Variants in NPAS3 observed in about 807,000 individuals in gnomAD.
The protein encoded by NPAS3 is neuronal PAS domain protein 3.
Under a neutral mutation model 73.1 loss-of-function variants are expected in NPAS3, and 14 were observed. The ratio of observed to expected loss-of-function variants is 0.19; its 90% CI spans 0.13 to 0.30. The LOEUF is 0.30. Ranked by LOEUF, NPAS3 falls within the 10% of genes least tolerant of loss-of-function variation. The pLI is 1.00. For missense variants in NPAS3, 1,096 were observed against 1,250.0 expected (o/e 0.88, Z 1.86); for synonymous variants, 620 against 541.5 (o/e 1.14, Z -2.01).
chr14:33,238,671 T>C (rs2048119396), intron 3 of NPAS3, among the ~76,000 whole-genome samples: 1 of 152,160 alleles, frequency 6.6e-6, no homozygotes, highest in Non-Finnish European at 1.5e-5. Context: ...CCAAGTTTAA[T>C]TGAATCAAGG....
intron 5 of NPAS3, among the ~76,000 whole-genome samples, chr14:33,668,104 C>T (rs899074438): frequency 5.3e-5 from 8 of 152,152 alleles, no homozygotes; most frequent in African/African-American, 1.4e-4. Context: ...TGCTCCAATC[C>T]GAACAAGATC....
intron 5 of NPAS3, among the ~76,000 whole-genome samples, chr14:33,590,675 A>G (rs1219687189): frequency 1.3e-5 from 2 of 152,178 alleles, no homozygotes; most frequent in African/African-American, 4.8e-5. Context: ...CAAAACCCCC[A>G]ATCCACATCA....
chr14:33,094,654 T>C (rs957011180), intron 2 of NPAS3, among the ~76,000 whole-genome samples: 1 of 152,090 alleles, frequency 6.6e-6, no homozygotes, highest in Admixed American at 6.6e-5. Context: ...TTCGTAGAGA[T>C]GAGGCTTCAC....
chr14:33,011,551 G>GA, intron 1 of NPAS3, among the ~76,000 whole-genome samples: 1 of 149,984 alleles, frequency 6.7e-6, no homozygotes, highest in East Asian at 2.0e-4. Flanking sequence ...CTAGAAATCA[G>GA]TTTTTTTTTT....
chr14:33,632,921 C>A (rs2058421064), intron 5 of NPAS3, among the ~76,000 whole-genome samples: 1 of 152,104 alleles, frequency 6.6e-6, no homozygotes, highest in African/African-American at 2.4e-5. Flanking sequence ...ATCATTCCAT[C>A]CCTATAGGAC....
At chr14:33,121,090 C>G (rs1481932143) in intron 2 of NPAS3, among the ~76,000 whole-genome samples, 1 of 152,048 alleles carries the variant, frequency 6.6e-6, no homozygotes. Context: ...TTTTTGACCT[C>G]TTAACAGTCA....
At chr14:33,610,370 A>C (rs2057711716) in intron 5 of NPAS3, among the ~76,000 whole-genome samples, 1 of 152,090 alleles carries the variant, frequency 6.6e-6, no homozygotes, top group South Asian at 2.1e-4. Flanking sequence ...TCATCTCCTC[A>C]TTGTGCAAAG....
rs886731139 is a variant in NPAS3, at chr14:33,379,030, C to T, written c.468+11762C>T. On this transcript the variant is annotated intron_variant, in intron 4 of 11. Coordinates refer to ENST00000356141, the Ensembl canonical transcript of NPAS3. Reference sequence around the variant, plus strand: ...CCACACGTGACCTCATGTAATGGGACACAGTCAAAATAAAGTCAAAACTTT... The same window carrying T: ...CCACACGTGACCTCATGTAATGGGATACAGTCAAAATAAAGTCAAAACTTT... 3.9e-5 allele frequency among the ~76,000 whole-genome samples: 6 copies of T among 152,106 alleles called. No individual in the cohort carries two copies. In the East Asian group the frequency reaches 1.2e-3, roughly 29 times the overall value.
chr14:33,246,176 T>C (rs1401721879), intron 3 of NPAS3, among the ~76,000 whole-genome samples: 1 of 152,042 alleles, frequency 6.6e-6, no homozygotes, highest in Non-Finnish European at 1.5e-5. Flanking sequence ...GCCCACCTCA[T>C]AAGGTCATGG....
At chr14:33,162,293 C>A (rs565286343) in intron 2 of NPAS3, among the ~76,000 whole-genome samples, 1 of 152,216 alleles carries the variant, frequency 6.6e-6, no homozygotes, top group Admixed American at 6.5e-5. Flanking sequence ...TTTTTTCAAT[C>A]TTATTTTATC....
chr14:33,156,615 A>T (rs753119180), intron 2 of NPAS3, among the ~76,000 whole-genome samples: 30 of 152,122 alleles, frequency 2.0e-4, no homozygotes, highest in Non-Finnish European at 4.1e-4. Flanking sequence ...CAAACTTTAA[A>T]CTCAGCATAG....
upstream of NPAS3, chr14:32,934,964 C>T: frequency 7.7e-7 from 1 of 1,307,026 alleles, no homozygotes; most frequent in Non-Finnish European, 9.8e-7. This position sits in a 1 kb window ranked among gnomAD's most constrained non-coding sequence, Gnocchi z 4.1. Flanking sequence ...GCCAACGGCA[C>T]CCCGCAGAAC....
At position 33,214,928 on chromosome 14, in the gene NPAS3, T is replaced by C. The variant is rs1192797747; in HGVS notation, c.141-254T>C. Reference sequence around the variant, plus strand: ...TAAATACACCTCAATGCATGGACAATTGAAGGAAAAAAACCTTAACAAGTA... The same window carrying C: ...TAAATACACCTCAATGCATGGACAACTGAAGGAAAAAAACCTTAACAAGTA... On this transcript the variant is annotated intron_variant, in intron 2 of 11. Coordinates refer to ENST00000356141, the Ensembl canonical transcript of NPAS3. The C allele has an allele frequency of 6.1e-6, 3 of 490,320 alleles. No individual in the cohort carries two copies. In the East Asian group the frequency reaches 1.1e-4, roughly 18 times the overall value. 30.4% of individuals were successfully genotyped at this position (490,320 alleles called of 1,614,324 possible).
At chr14:33,799,025 G>T (rs1225763745) in intron 11 of NPAS3, among the ~76,000 whole-genome samples, 1 of 150,568 alleles carries the variant, frequency 6.6e-6, no homozygotes, top group African/African-American at 2.4e-5. Context: ...GGCACCTCTG[G>T]TCTTAGCCAC....
chr14:33,687,506 A>C (rs1038539073), intron 6 of NPAS3, among the ~76,000 whole-genome samples: 2 of 152,220 alleles, frequency 1.3e-5, no homozygotes, highest in African/African-American at 4.8e-5. Context: ...GTGTCCAGCC[A>C]TGTCTTTATT....
At chr14:33,284,818 A>G (rs1289370066) in intron 3 of NPAS3, among the ~76,000 whole-genome samples, 1 of 150,200 alleles carries the variant, frequency 6.7e-6, no homozygotes, top group Non-Finnish European at 1.5e-5. Flanking sequence ...CTATCTATAT[A>G]ATCTTCTCAA....
intron 2 of NPAS3, among the ~76,000 whole-genome samples, chr14:33,141,722 CTCGTGATGCACA>C (rs766404875): frequency 1.3e-5 from 2 of 152,132 alleles, no homozygotes; most frequent in Non-Finnish European, 2.9e-5. Flanking sequence ...TATAAATATA[CTCGTGATGCACA>C]TCTTTGCGTA....
intron 2 of NPAS3, among the ~76,000 whole-genome samples, chr14:33,210,214 A>G (rs1432625529): frequency 1.3e-5 from 2 of 152,190 alleles, no homozygotes; most frequent in African/African-American, 2.4e-5. Context: ...ATAAGTCATC[A>G]AGTCCAAAGC....
chr14:33,573,007 G>C (rs1190829148), intron 5 of NPAS3, among the ~76,000 whole-genome samples: 2 of 129,864 alleles, frequency 1.5e-5, no homozygotes, highest in African/African-American at 6.0e-5. Flanking sequence ...TGGAGACAGA[G>C]TGAGACTTCT....
Sources: allele counts gnomAD v4.1 joint callset (sites outside exome capture counted in the v4.1 genomes callset), GRCh38; gene constraint gnomAD v4.1.1; non-coding constraint Gnocchi (gnomAD v3.1); transcripts MANE v1.5; gene names NCBI Gene and HGNC (gene_info 2026-07-23, HGNC 2026-07-21).